Variants in ZNF704 observed in about 807,000 individuals in gnomAD.
ZNF704 encodes zinc finger protein 704.
Under a neutral mutation model 44.7 loss-of-function variants are expected in ZNF704, and 10 were observed. The observed-to-expected ratio is 0.22, with a 90% CI of 0.14 to 0.38. The LOEUF (loss-of-function observed/expected upper bound fraction) is 0.38. Ranked by LOEUF, ZNF704 falls within the 10% of genes least tolerant of loss-of-function variation. ZNF704 has a pLI of 1.00. For synonymous variants in ZNF704, 211 were observed against 207.6 expected (o/e 1.02, Z -0.14); for missense variants, 390 against 545.5 (o/e 0.71, Z 2.84).
At chr8:80,668,255 T>A (rs1042549206) in intron 5 of ZNF704, among the ~76,000 whole-genome samples, 1 of 152,222 alleles carries the variant, frequency 6.6e-6, no homozygotes, top group African/African-American at 2.4e-5. Flanking sequence ...CAGCAGCAGA[T>A]CCCTGACTCG....
chr8:80,855,261 T>C (rs1808939376), intron 1 of ZNF704, among the ~76,000 whole-genome samples: 1 of 152,158 alleles, frequency 6.6e-6, no homozygotes, highest in African/African-American at 2.4e-5. Flanking sequence ...CTTGTGTCTT[T>C]TGATGAGTAA....
chr8:80,714,589 C>T (rs957257049), intron 2 of ZNF704, among the ~76,000 whole-genome samples: 12 of 152,198 alleles, frequency 7.9e-5, no homozygotes, highest in African/African-American at 2.9e-4. Context: ...ATGATCTCCT[C>T]CTCCGGCCTC....
At chr8:80,809,451 G>T (rs1312280557) in intron 2 of ZNF704, among the ~76,000 whole-genome samples, 1 of 152,206 alleles carries the variant, frequency 6.6e-6, no homozygotes, top group Non-Finnish European at 1.5e-5. Flanking sequence ...ATTATGAGAT[G>T]AATACTATTT....
At chr8:80,755,022 A>C (rs1486273459) in intron 2 of ZNF704, among the ~76,000 whole-genome samples, 1 of 152,162 alleles carries the variant, frequency 6.6e-6, no homozygotes, top group Non-Finnish European at 1.5e-5. Flanking sequence ...AATAGGGTAA[A>C]AGTTCATCAT....
intron 2 of ZNF704, among the ~76,000 whole-genome samples, chr8:80,732,952 TAAAAAAAAAAA>T (rs59640222): frequency 0.031 from 2,470 of 78,662 alleles, 91 homozygotes; most frequent in African/African-American, 0.1. Flanking sequence ...AGACCTTGCC[TAAAAAAAAAAA>T]AAAAAAAAAA....
In ZNF704 at chr8:80,743,845, T is replaced by C. The variant is rs191989196; in HGVS notation, c.222-50738A>G. On this transcript the variant is annotated intron_variant, in intron 2 of 8. Transcript: ENST00000327835. ...AAAATTAAATTAGATAATGAATAGG[T>C]GTAACATGCTTCACACAGTGGATGG... is the stretch of plus-strand genomic sequence containing the variant. Among the ~76,000 whole-genome samples the C allele has an allele frequency of 6.6e-5, 10 of 152,322 alleles. No homozygotes were observed. The East Asian group carries it at 1.7e-3, about 26-fold the overall frequency.
At chr8:80,746,277 C>T (rs780972221) in intron 2 of ZNF704, among the ~76,000 whole-genome samples, 168 of 151,864 alleles carry the variant, frequency 1.1e-3, no homozygotes, top group Non-Finnish European at 1.6e-3. Flanking sequence ...TAATAAAAGG[C>T]GAAAGATTTA....
intron 3 of ZNF704, among the ~76,000 whole-genome samples, chr8:80,691,176 A>C (rs538703897): frequency 6.6e-6 from 1 of 152,310 alleles, no homozygotes; most frequent in African/African-American, 2.4e-5. Context: ...ATGTATGTTC[A>C]ACAAATTTAT....
rs1437144160 is a variant in ZNF704, at chr8:80,874,098, C to T, written c.-22+473G>A. Among the ~76,000 whole-genome samples, 6 of 146,952 alleles carry T rather than the reference C, an allele frequency of 4.1e-5. No individual in the cohort carries two copies. The highest frequency in any genetic ancestry group is 9.1e-5 in the Non-Finnish European group (6 of 65,964). The stretch of plus-strand genomic sequence containing the variant: ...GCGGGGCCGGAGAGTTTGTCACCTC[C>T]TCTTCCTCCTCTGCCTCCGCCGGTG... On this transcript the variant is annotated intron_variant, in intron 1 of 8. Transcript: ENST00000327835. The surrounding 1 kb of genome is among the most constrained non-coding windows in gnomAD (Gnocchi z 4.4).
At chr8:80,674,481 G>A (rs1818330850) in intron 4 of ZNF704, among the ~76,000 whole-genome samples, 1 of 152,154 alleles carries the variant, frequency 6.6e-6, no homozygotes, top group African/African-American at 2.4e-5. Flanking sequence ...TTAAATCATA[G>A]TGGAGGTCAA....
chr8:80,802,812 CAA>C (rs2129800937), intron 2 of ZNF704, among the ~76,000 whole-genome samples: 1 of 152,254 alleles, frequency 6.6e-6, no homozygotes, highest in East Asian at 1.9e-4. Flanking sequence ...TACTCCTGTT[CAA>C]CACGGTATTG....
intron 1 of ZNF704, chr8:80,873,496 C>A (rs150020982): frequency 6.6e-6 from 1 of 151,578 alleles, no homozygotes; most frequent in Non-Finnish European, 1.5e-5. Context: ...GCCCGTCCCC[C>A]TCCCCGGGCT....
At chr8:80,827,945 G>A (rs1808407206) in intron 1 of ZNF704, among the ~76,000 whole-genome samples, 1 of 152,184 alleles carries the variant, frequency 6.6e-6, no homozygotes, top group African/African-American at 2.4e-5. Flanking sequence ...AGACTTCAAT[G>A]TTAGACCTAA....
intron 4 of ZNF704, among the ~76,000 whole-genome samples, chr8:80,681,581 A>C (rs540456701): frequency 6.6e-6 from 1 of 152,294 alleles, no homozygotes; most frequent in African/African-American, 2.4e-5. Flanking sequence ...AAACTCACTA[A>C]ATGGTATACT....
intron 3 of ZNF704, among the ~76,000 whole-genome samples, chr8:80,692,262 A>C (rs988553945): frequency 1.3e-5 from 2 of 152,230 alleles, no homozygotes; most frequent in African/African-American, 2.4e-5. Context: ...AATCAAAAAG[A>C]TATGGAGAAT....
At position 80,634,286 on chromosome 8, in the gene ZNF704, TGA is replaced by T. The variant is rs1227602810; in HGVS notation, c.*7078_*7079del. 2 of 152,168 alleles carry T rather than the reference TGA, an allele frequency of 1.3e-5. No individual in the cohort carries two copies. Among genetic ancestry groups the T allele is most frequent in the African/African-American group, 4.8e-5 (2 of 41,422 alleles). 9.4% of individuals were successfully genotyped at this position (152,168 alleles called of 1,614,324 possible). ...CTGGGCATGCCAAAAGGAGGCAGAG[TGA>T]GAGAGCTGGATAACTCAGCGTATCT... On this transcript the variant is annotated 3_prime_UTR_variant, in exon 9 of 9. Coordinates refer to ENST00000327835, the MANE Select transcript of ZNF704 (RefSeq NM_001033723.3).
chr8:80,841,500 T>TA (rs1158294304), intron 1 of ZNF704, among the ~76,000 whole-genome samples: 12 of 152,192 alleles, frequency 7.9e-5, no homozygotes, highest in African/African-American at 2.9e-4. Flanking sequence ...ATTTTTCACT[T>TA]AGACTACTGC....
chr8:80,667,734 A>G (rs1482023833), intron 5 of ZNF704, among the ~76,000 whole-genome samples: 2 of 152,232 alleles, frequency 1.3e-5, no homozygotes, highest in African/African-American at 4.8e-5. Context: ...GTTGTGGCAC[A>G]GTGATTAAGA....
chr8:80,760,066 A>G (rs1405438681), intron 2 of ZNF704, among the ~76,000 whole-genome samples: 1 of 152,146 alleles, frequency 6.6e-6, no homozygotes, highest in Non-Finnish European at 1.5e-5. Context: ...CCTGGCTGAC[A>G]CTTTAACTTT....
Sources: allele counts gnomAD v4.1 joint callset (sites outside exome capture counted in the v4.1 genomes callset), GRCh38; gene constraint gnomAD v4.1.1; non-coding constraint Gnocchi (gnomAD v3.1); transcripts MANE v1.5; gene names NCBI Gene and HGNC (gene_info 2026-07-23, HGNC 2026-07-21).